The following FMN1 variants were observed in gnomAD, a reference collection of about 807,000 sequenced individuals.
The protein encoded by FMN1 is formin 1.
Under a neutral mutation model 132.4 loss-of-function variants are expected in FMN1, and 110 were observed. The ratio of observed to expected loss-of-function variants is 0.83; its 90% CI spans 0.71 to 0.97. The LOEUF (loss-of-function observed/expected upper bound fraction) is 0.97. Among genes scored for constraint, FMN1 ranks in the 50% least tolerant of loss-of-function variants. The probability of loss-of-function intolerance (pLI) is 0.00; values close to 1 mark genes in which losing one functional copy is unlikely to be tolerated. For synonymous variants in FMN1, 722 were observed against 651.7 expected (o/e 1.11, Z -1.64); for missense variants, 1,792 against 1,705.3 (o/e 1.05, Z -0.90).
intron 6 of FMN1, among the ~76,000 whole-genome samples, chr15:33,054,899 A>G (rs896010913): frequency 6.6e-6 from 1 of 152,222 alleles, no homozygotes. Flanking sequence ...GAACAAGGAC[A>G]CATTCTAGCA....
chr15:32,931,464 T>G (rs2061116060), intron 9 of FMN1, among the ~76,000 whole-genome samples: 1 of 152,244 alleles, frequency 6.6e-6, no homozygotes. Flanking sequence ...TTACTTTAAA[T>G]GAAATTGTTT....
At chr15:32,881,856 C>T (rs377342013) in intron 16 of FMN1, among the ~76,000 whole-genome samples, 1 of 152,312 alleles carries the variant, frequency 6.6e-6, no homozygotes, top group East Asian at 1.9e-4. Context: ...GAGCCCAATA[C>T]ATCTAACTTC....
At chr15:33,048,909 T>G (rs1376300842) in intron 6 of FMN1, among the ~76,000 whole-genome samples, 1 of 152,154 alleles carries the variant, frequency 6.6e-6, no homozygotes, top group African/African-American at 2.4e-5. Context: ...AAGATAAGAT[T>G]TGGGTGAGGA....
chr15:32,936,870 G>A (rs773171216), intron 9 of FMN1, among the ~76,000 whole-genome samples: 21 of 152,208 alleles, frequency 1.4e-4, no homozygotes, highest in Non-Finnish European at 2.8e-4. Context: ...TGCAGTCCAT[G>A]TGGGAGAAGC....
At chr15:32,847,555 T>A (rs534358966) in intron 17 of FMN1, among the ~76,000 whole-genome samples, 1 of 151,674 alleles carries the variant, frequency 6.6e-6, no homozygotes, top group African/African-American at 2.4e-5. Context: ...ACAAACTCTT[T>A]AAAAAACTAA....
At chr15:33,010,680 C>A (rs1053146062) in intron 6 of FMN1, among the ~76,000 whole-genome samples, 1 of 151,862 alleles carries the variant, frequency 6.6e-6, no homozygotes, top group African/African-American at 2.4e-5. Context: ...CTAGAAAAAT[C>A]TAAAAGATCC....
chr15:32,854,448 T>A (rs11632403), intron 17 of FMN1, among the ~76,000 whole-genome samples: 84,753 of 152,136 alleles, frequency 0.56, 24,243 homozygotes, highest in Admixed American at 0.63. Context: ...TATATTTTTA[T>A]ATTCTTAACT....
intron 4 of FMN1, among the ~76,000 whole-genome samples, chr15:33,115,326 A>C (rs1283783562): frequency 6.6e-6 from 1 of 152,194 alleles, no homozygotes; most frequent in Non-Finnish European, 1.5e-5. Flanking sequence ...ATAAAATCTA[A>C]CGAGTCAAAT....
In FMN1 at chr15:32,773,971, G is replaced by A. The variant is rs565935910; in HGVS notation, c.*339C>T. On this transcript the variant is annotated 3_prime_UTR_variant, in exon 21 of 21. Transcript: ENST00000616417. ...TCTGTGACAATGTGACATATATCAA[G>A]CTTTGGTTATAAAGCTGGAAATCTC... 4.3e-4 allele frequency: 135 copies of A among 317,410 alleles called. No individual in the cohort carries two copies. The highest frequency in any genetic ancestry group is 6.4e-4 in the Non-Finnish European group (111 of 174,404). 19.7% of individuals were successfully genotyped at this position (317,410 alleles called of 1,614,324 possible). A position where few individuals can be genotyped will look rare whatever the true frequency, so the allele number is the denominator to read the frequency against.
At chr15:32,940,540 T>C (rs895206307) in intron 9 of FMN1, among the ~76,000 whole-genome samples, 1 of 152,064 alleles carries the variant, frequency 6.6e-6, no homozygotes, top group South Asian at 2.1e-4. Flanking sequence ...GTAATTATTC[T>C]CAGGTATACG....
intron 19 of FMN1, among the ~76,000 whole-genome samples, chr15:32,798,049 G>A (rs1282605524): frequency 6.6e-6 from 1 of 152,094 alleles, no homozygotes; most frequent in African/African-American, 2.4e-5. Context: ...AGGAGTAGTA[G>A]TAAGACCTGT....
intron 6 of FMN1, among the ~76,000 whole-genome samples, chr15:33,036,810 C>T (rs1321340171): frequency 2.1e-4 from 32 of 152,198 alleles, no homozygotes; most frequent in South Asian, 2.1e-4. Context: ...CTTGTATTAT[C>T]ATCAACGAAA....
chr15:32,842,422 C>T lies in FMN1; in HGVS notation c.3928+14593G>A, dbSNP rs186565818. Among the ~76,000 whole-genome samples the T allele has an allele frequency of 1.2e-3, 182 of 152,270 alleles. 1 individual carries two copies. Among genetic ancestry groups the T allele is most frequent in the African/African-American group, 4.3e-3 (177 of 41,550 alleles). Reference sequence around the variant, plus strand: ...ACTAGCCAGTTAAGTCTAATCAACTCATTAAACTGTGAGAGATAGGCATAC... The same window carrying T: ...ACTAGCCAGTTAAGTCTAATCAACTTATTAAACTGTGAGAGATAGGCATAC... On this transcript the variant is annotated intron_variant, in intron 17 of 20. Coordinates refer to ENST00000616417, the MANE Select transcript of FMN1 (RefSeq NM_001277313.2).
chr15:33,047,141 T>TCTGGTTAATGTCTGTGTGGC (rs2036724434), intron 6 of FMN1, among the ~76,000 whole-genome samples: 2 of 152,246 alleles, frequency 1.3e-5, no homozygotes, highest in Non-Finnish European at 2.9e-5. Flanking sequence ...ATGAGTACTT[T>TCTGGTTAATGTCTGTGTGGC]CTGGTTAATG....
chr15:32,894,773 G>A (rs2060114274), intron 15 of FMN1, among the ~76,000 whole-genome samples: 1 of 144,514 alleles, frequency 6.9e-6, no homozygotes. Context: ...TGGAAAGAGA[G>A]AAGACAGTTA....
intron 15 of FMN1, 123 bp downstream of exon 15, chr15:32,898,711 G>A (rs2060218921): frequency 1.4e-5 from 9 of 645,532 alleles, no homozygotes; most frequent in South Asian, 2.0e-5. Context: ...TGTAAACCAC[G>A]CTGGAGAGCT....
intron 6 of FMN1, among the ~76,000 whole-genome samples, chr15:33,043,761 G>A (rs536208710): frequency 2.0e-5 from 3 of 152,336 alleles, no homozygotes; most frequent in South Asian, 2.1e-4. Flanking sequence ...GCCAGTGGGA[G>A]CCAGGAACAG....
chr15:32,810,992 C>T, intron 17 of FMN1: 1 of 456,300 alleles, frequency 2.2e-6, no homozygotes, highest in Non-Finnish European at 4.4e-6. Context: ...TGGGATCCGT[C>T]TGATGTGAGT....
At chr15:33,106,274 CCA>C (rs10538020) in intron 4 of FMN1, 94,120 of 149,278 alleles carry the variant, frequency 0.63, 29,685 homozygotes, top group East Asian at 0.82. Context: ...TAACCAGAAT[CCA>C]CACACACACA....
Sources: gnomAD v4.1 joint callset for allele counts (sites outside exome capture counted in the v4.1 genomes callset) on GRCh38, gnomAD v4.1.1 for gene constraint, MANE v1.5 for transcripts, NCBI Gene and HGNC (gene_info 2026-07-23, HGNC 2026-07-21) for gene names.